SPOCK1: variants seen among roughly 807,000 people sequenced by gnomAD.
SPOCK1 encodes SPARC (osteonectin), cwcv and kazal like domains proteoglycan 1.
A neutral mutation model predicts 55.3 loss-of-function variants in SPOCK1; 23 were observed. The observed-to-expected ratio is 0.42, with a 90% confidence interval of 0.30 to 0.59. The LOEUF is 0.59. Among genes scored for constraint, SPOCK1 ranks in the 20% least tolerant of loss-of-function variants. The probability of loss-of-function intolerance (pLI) is 0.22; values close to 1 mark genes in which losing one functional copy is unlikely to be tolerated. For synonymous variants in SPOCK1, 226 were observed against 221.0 expected (o/e 1.02, Z -0.20); for missense variants, 499 against 552.5 (o/e 0.90, Z 0.97).
At chr5:137,036,066 G>C (rs541166860) in intron 6 of SPOCK1, among the ~76,000 whole-genome samples, 13 of 152,146 alleles carry the variant, frequency 8.5e-5, no homozygotes, top group Non-Finnish European at 1.0e-4. Context: ...AGCTGGGCTT[G>C]CATAGGAAAT....
intron 6 of SPOCK1, among the ~76,000 whole-genome samples, chr5:137,056,240 C>G (rs1752298201): frequency 6.6e-6 from 1 of 152,078 alleles, no homozygotes; most frequent in Non-Finnish European, 1.5e-5. Flanking sequence ...TGAGGGGACG[C>G]TGTTGCAGCT....
intron 3 of SPOCK1, among the ~76,000 whole-genome samples, chr5:137,158,373 C>T (rs1754460935): frequency 6.6e-6 from 1 of 152,198 alleles, no homozygotes; most frequent in South Asian, 2.1e-4. Flanking sequence ...GATAACCTTC[C>T]TGTGACAATT....
intron 7 of SPOCK1, 60 bp downstream of exon 7, chr5:136,992,424 T>C (rs1309647452): frequency 2.3e-6 from 3 of 1,312,820 alleles, no homozygotes; most frequent in Non-Finnish European, 3.2e-6. Flanking sequence ...CAAATGATAT[T>C]GCTAACCCTA....
intron 8 of SPOCK1, 35 bp from the exon 9 acceptor site, chr5:136,985,237 G>T: frequency 2.5e-6 from 4 of 1,576,244 alleles, no homozygotes; most frequent in Non-Finnish European, 3.5e-6. Context: ...GCTTCCAGAT[G>T]GTATGGAGTA....
At chr5:137,411,570 G>A (rs1752208828) in intron 2 of SPOCK1, among the ~76,000 whole-genome samples, 1 of 152,164 alleles carries the variant, frequency 6.6e-6, no homozygotes, top group Non-Finnish European at 1.5e-5. Flanking sequence ...GTGATGTTCT[G>A]GAATGCACCT....
chr5:137,486,573 G>A (rs1754060246), intron 2 of SPOCK1, among the ~76,000 whole-genome samples: 3 of 152,210 alleles, frequency 2.0e-5, no homozygotes, highest in Admixed American at 1.3e-4. Flanking sequence ...TGGTCAGTAA[G>A]TATCTTTGGT....
chr5:137,243,491 C>A (rs931553454), intron 3 of SPOCK1, among the ~76,000 whole-genome samples: 3 of 152,158 alleles, frequency 2.0e-5, no homozygotes, highest in Non-Finnish European at 2.9e-5. Context: ...GCTGTATTCA[C>A]ATATGGGTAC....
At chr5:137,221,998 C>G (rs1755865775) in intron 3 of SPOCK1, among the ~76,000 whole-genome samples, 1 of 152,220 alleles carries the variant, frequency 6.6e-6, no homozygotes, top group South Asian at 2.1e-4. Flanking sequence ...TTCCTGGTAT[C>G]TGGCTTCTTT....
intron 6 of SPOCK1, among the ~76,000 whole-genome samples, chr5:137,024,314 A>AGGCGGGGGGGG (rs71583270): frequency 8.4e-6 from 1 of 119,190 alleles, no homozygotes; most frequent in African/African-American, 3.2e-5. Context: ...ACCAGTTTGA[A>AGGCGGGGGGGG]GGGGGGGGGG....
chr5:137,084,196 T>C (rs909931458), intron 5 of SPOCK1, among the ~76,000 whole-genome samples: 1 of 151,954 alleles, frequency 6.6e-6, no homozygotes, highest in Non-Finnish European at 1.5e-5. Context: ...ATCCCACTTC[T>C]GAAACTGTGC....
chr5:137,221,753 T>TAA lies in SPOCK1; in HGVS notation c.232+45255_232+45256dup, dbSNP rs1386922775. Reference sequence around the variant, plus strand: ...TTTTCTTTAATTGTTAAAATAAAAGTAAGTGTGAATGTCAATCTTCTCTTC... The same window carrying TAA: ...TTTTCTTTAATTGTTAAAATAAAAGTAAAAGTGTGAATGTCAATCTTCTCTTC... On this transcript the variant is annotated intron_variant, in intron 3 of 10. Transcript: ENST00000394945. Among the ~76,000 whole-genome samples, 9 of 152,156 alleles carry TAA rather than the reference T, an allele frequency of 5.9e-5. No individual in the cohort carries two copies. In the East Asian group the frequency reaches 1.7e-3, roughly 29 times the overall value.
At chr5:137,131,075 C>T (rs2240224) in intron 4 of SPOCK1, among the ~76,000 whole-genome samples, 3 of 151,966 alleles carry the variant, frequency 2.0e-5, no homozygotes, top group African/African-American at 7.3e-5. Flanking sequence ...CCAGCGCCCC[C>T]GATGGGCCCT....
chr5:136,987,045 C>T (rs987102206), intron 8 of SPOCK1, among the ~76,000 whole-genome samples: 1 of 137,500 alleles, frequency 7.3e-6, no homozygotes, highest in African/African-American at 2.6e-5. Context: ...AAGTCTAAAA[C>T]TGATTTATTT....
rs1227982756 is a variant in SPOCK1, at chr5:137,132,008, ATATATATATAT to A, written c.347+8561_347+8571del. ...AAAAAAAATATATATATATATATAT[ATATATATATAT>A]AAAAAATTAGCTGGGCATGGTGGCA... is the stretch of plus-strand genomic sequence containing the variant. On this transcript the variant is annotated intron_variant, in intron 4 of 10. Coordinates refer to ENST00000394945, the MANE Select transcript of SPOCK1 (RefSeq NM_004598.4). Among the ~76,000 whole-genome samples, 32 of 87,994 alleles carry A rather than the reference ATATATATATAT, an allele frequency of 3.6e-4. 1 individual carries two copies. Among genetic ancestry groups the A allele is most frequent in the African/African-American group, 1.4e-3 (26 of 18,876 alleles). The allele number at this position is 87,994 out of a possible 152,430, so 57.7% of individuals were successfully genotyped here. A position where few individuals can be genotyped will look rare whatever the true frequency, so the allele number is the denominator to read the frequency against.
intron 6 of SPOCK1, among the ~76,000 whole-genome samples, chr5:137,020,973 C>T (rs1751553781): frequency 6.6e-6 from 1 of 152,084 alleles, no homozygotes; most frequent in Non-Finnish European, 1.5e-5. Context: ...GGAACAATGA[C>T]TGTGGAATAC....
At chr5:137,124,059 C>T (rs942306693) in intron 4 of SPOCK1, among the ~76,000 whole-genome samples, 9 of 151,992 alleles carry the variant, frequency 5.9e-5, no homozygotes, top group Admixed American at 5.2e-4. Flanking sequence ...GAACCACCAC[C>T]GAAGAACTGT....
At chr5:137,225,976 C>T (rs939367438) in intron 3 of SPOCK1, among the ~76,000 whole-genome samples, 2 of 152,152 alleles carry the variant, frequency 1.3e-5, no homozygotes, top group African/African-American at 2.4e-5. Context: ...ACTTGGAGCA[C>T]GCCTCACCAG....
chr5:137,029,671 AGG>A (rs1751740309), intron 6 of SPOCK1, among the ~76,000 whole-genome samples: 1 of 152,220 alleles, frequency 6.6e-6, no homozygotes, highest in South Asian at 2.1e-4. Flanking sequence ...AAAAGCCAAG[AGG>A]AAACCAAATT....
chr5:137,279,668 C>A (rs534556793), intron 2 of SPOCK1, among the ~76,000 whole-genome samples: 1 of 152,326 alleles, frequency 6.6e-6, no homozygotes, highest in South Asian at 2.1e-4. Context: ...TGCTCTGTGA[C>A]TAGGAAACTC....
Sources: allele counts gnomAD v4.1 joint callset (sites outside exome capture counted in the v4.1 genomes callset), GRCh38; gene constraint gnomAD v4.1.1; transcripts MANE v1.5; gene names NCBI Gene and HGNC (gene_info 2026-07-23, HGNC 2026-07-21).